The following STRADA variants were observed in gnomAD, a reference collection of about 807,000 sequenced individuals.
The protein encoded by STRADA is STE20 related adaptor alpha.
Under a neutral mutation model 55.0 loss-of-function variants are expected in STRADA, and 26 were observed. The observed-to-expected ratio is 0.47, with a 90% confidence interval of 0.35 to 0.66. The LOEUF is 0.66. Ranked by LOEUF, STRADA falls within the 30% of genes least tolerant of loss-of-function variation. The pLI, the probability that STRADA is intolerant of heterozygous loss-of-function variation, is 0.01. For missense variants in STRADA, 443 were observed against 549.7 expected (o/e 0.81, Z 1.94); for synonymous variants, 197 against 210.9 (o/e 0.93, Z 0.57).
intron 4 of STRADA, chr17:63,719,104 A>G (rs1200548935): frequency 6.6e-6 from 1 of 152,216 alleles, no homozygotes; most frequent in Non-Finnish European, 1.5e-5. Context: ...TGATCTTTTC[A>G]TTCCCACGGG....
Position 63,704,373 on chromosome 17 carries a change from C to T in STRADA, c.1068G>A (p.Val356=), listed in dbSNP as rs1459844600. 3.1e-6 allele frequency: 5 copies of T among 1,612,704 alleles called. No individual in the cohort carries two copies. The highest frequency in any genetic ancestry group is 2.5e-6 in the Non-Finnish European group (3 of 1,179,702). ...CCGGGTTGCGCTGAAGGCACTGCTC[C>T]ACAAAGTGGTGGAAGTGGGGGGAGA... ...RTFSPHFHHF[V]EQCLQRNPDA... Residue 356 remains valine, a synonymous_variant, in exon 11 of 13, where the codon GTG becomes GTA. Coordinates refer to ENST00000336174, the MANE Select transcript of STRADA (RefSeq NM_001003787.4).
chr17:63,740,107 T>TATATACAC lies in STRADA; in HGVS notation c.-45+1633_-45+1634insGTGTATAT, dbSNP rs1309095081. On this transcript the variant is annotated intron_variant, in intron 1 of 12. Coordinates refer to ENST00000336174, the MANE Select transcript of STRADA (RefSeq NM_001003787.4). Reference sequence around the variant, plus strand: ...AACACTATATATATATATATATATATACATACATACATATATATATACACA... The same window carrying TATATACAC: ...AACACTATATATATATATATATATATATATACACACATACATACATATATATATACACA... Among the ~76,000 whole-genome samples, 269 of 49,648 alleles carry TATATACAC rather than the reference T, an allele frequency of 5.4e-3. 47 individuals are homozygous for TATATACAC. Among genetic ancestry groups the TATATACAC allele is most frequent in the Non-Finnish European group, 8.2e-3 (222 of 27,026 alleles). 32.6% of individuals were successfully genotyped at this position (49,648 alleles called of 152,430 possible).
chr17:63,720,877 AT>A (rs1417859847), intron 4 of STRADA, among the ~76,000 whole-genome samples: 1 of 151,334 alleles, frequency 6.6e-6, no homozygotes. Context: ...CAGGTGGATC[AT>A]CTGAGGTCAG....
intron 6 of STRADA, among the ~76,000 whole-genome samples, chr17:63,712,913 A>G (rs1233812322): frequency 1.3e-5 from 2 of 151,548 alleles, no homozygotes; most frequent in Non-Finnish European, 2.9e-5. Flanking sequence ...AGGCAGGAGA[A>G]TCGCTTGAAC....
intron 3 of STRADA, chr17:63,726,073 C>T (rs1350709290): frequency 6.6e-6 from 1 of 152,108 alleles, no homozygotes; most frequent in Non-Finnish European, 1.5e-5. Flanking sequence ...ATTTTTGTTG[C>T]CCTAAATTAA....
At chr17:63,735,757 G>A (rs543920619) in intron 1 of STRADA, among the ~76,000 whole-genome samples, 3 of 152,204 alleles carry the variant, frequency 2.0e-5, no homozygotes, top group South Asian at 2.1e-4. Context: ...AATGTGAATG[G>A]AGAGTATAGT....
In STRADA at chr17:63,706,361, A is replaced by G. The variant is rs566006184; in HGVS notation, c.858+274T>C. ...TTATAAAAACTAGTTAGCTTAATGT[A>G]TATGTTTTAAATAGACATGTAGCGT... On this transcript the variant is annotated intron_variant, in intron 10 of 12. Coordinates refer to ENST00000336174, the MANE Select transcript of STRADA (RefSeq NM_001003787.4). The G allele has an allele frequency of 2.2e-4, 75 of 335,088 alleles. No individual in the cohort carries two copies. In the East Asian group the frequency reaches 3.5e-3, roughly 15 times the overall value. The allele number at this position is 335,088 out of a possible 1,614,324, so 20.8% of individuals were successfully genotyped here.
chr17:63,706,826 C>T, intron 9 of STRADA, 87 bp from the exon 10 acceptor site: 2 of 1,027,842 alleles, frequency 1.9e-6, no homozygotes, highest in Non-Finnish European at 3.0e-6. Flanking sequence ...AAAAGGATGG[C>T]TGTCCCCACA....
chr17:63,733,312 G>A (rs2038198278), intron 1 of STRADA, among the ~76,000 whole-genome samples: 1 of 151,878 alleles, frequency 6.6e-6, no homozygotes, highest in Non-Finnish European at 1.5e-5. Context: ...ATATATAACT[G>A]ACAATAAAAC....
At chr17:63,709,753 T>C (rs1472641162) in intron 8 of STRADA, among the ~76,000 whole-genome samples, 4 of 152,192 alleles carry the variant, frequency 2.6e-5, no homozygotes, top group Non-Finnish European at 5.9e-5. Flanking sequence ...AGGAGTTATG[T>C]AGGGGTCCAG....
chr17:63,731,885 G>A (rs2038084006), intron 1 of STRADA, among the ~76,000 whole-genome samples: 1 of 152,056 alleles, frequency 6.6e-6, no homozygotes, highest in Non-Finnish European at 1.5e-5. Context: ...TTTTTTATGA[G>A]ACAGGGTTTC....
intron 8 of STRADA, 35 bp from the exon 9 acceptor site, chr17:63,707,453 G>A (rs370075196): frequency 2.1e-5 from 33 of 1,604,436 alleles, no homozygotes; most frequent in South Asian, 1.3e-4. Flanking sequence ...GTCGAGAGCA[G>A]GAGCCCCTCC....
intron 1 of STRADA, among the ~76,000 whole-genome samples, chr17:63,730,589 C>T (rs1220325061): frequency 6.6e-6 from 1 of 151,772 alleles, no homozygotes; most frequent in Non-Finnish European, 1.5e-5. Flanking sequence ...ACGGGCTTTG[C>T]ATTGTTGCCC....
intron 1 of STRADA, among the ~76,000 whole-genome samples, chr17:63,740,107 T>TATATATATATATATATACATACAC (rs1309095081): frequency 4.0e-5 from 2 of 49,648 alleles, no homozygotes; most frequent in African/African-American, 1.9e-4. Flanking sequence ...TATATATATA[T>TATATATATATATATATACATACAC]ACATACATAC....
intron 4 of STRADA, 184 bp from the exon 5 acceptor site, chr17:63,714,292 T>C: frequency 1.7e-6 from 1 of 583,458 alleles, no homozygotes; most frequent in East Asian, 3.7e-5. Flanking sequence ...TCAGCACTAA[T>C]ATCAGAGCAA....
chr17:63,726,808 T>A, intron 2 of STRADA, 113 bp from the exon 3 acceptor site: 1 of 1,013,328 alleles, frequency 9.9e-7, no homozygotes, highest in South Asian at 1.4e-5. Flanking sequence ...AATCATGCAG[T>A]ACAGTTAGGA....
chr17:63,741,452 ACCTGGAAGT>A (rs1310268865), intron 1 of STRADA: 1 of 152,266 alleles, frequency 6.6e-6, no homozygotes, highest in Non-Finnish European at 1.5e-5. Flanking sequence ...TAGGTTCCCC[ACCTGGAAGT>A]CCTAGGGGGT....
At chr17:63,738,961 C>T (rs1053741168) in intron 1 of STRADA, among the ~76,000 whole-genome samples, 1 of 151,700 alleles carries the variant, frequency 6.6e-6, no homozygotes, top group Non-Finnish European at 1.5e-5. Context: ...ACCATCCTGG[C>T]TAACATGATG....
In STRADA at chr17:63,703,474, T is replaced by G. The variant is rs539722958; in HGVS notation, c.*125A>C. On this transcript the variant is annotated 3_prime_UTR_variant, in exon 13 of 13. Coordinates refer to ENST00000336174, the MANE Select transcript of STRADA (RefSeq NM_001003787.4). ...CTTTCCCAATCAGTCAGCAGTCAAC[T>G]TTCCTGGAAGAATGTCCTTTCTACC... 22 of 948,188 alleles carry G rather than the reference T, an allele frequency of 2.3e-5. No individual in the cohort carries two copies. The allele number at this position is 948,188 out of a possible 1,614,324, so 58.7% of individuals were successfully genotyped here. A position where few individuals can be genotyped will look rare whatever the true frequency, so the allele number is the denominator to read the frequency against.
Sources: allele counts gnomAD v4.1 joint callset (sites outside exome capture counted in the v4.1 genomes callset), GRCh38; gene constraint gnomAD v4.1.1; transcripts MANE v1.5; gene names NCBI Gene and HGNC (gene_info 2026-07-23, HGNC 2026-07-21).